The following ZNF713 variants were observed in gnomAD, a reference collection of about 807,000 sequenced individuals.
The protein encoded by ZNF713 is zinc finger protein 713.
Under a neutral mutation model 28.7 loss-of-function variants are expected in ZNF713, and 21 were observed. The ratio of observed to expected loss-of-function variants is 0.73; its 90% CI spans 0.52 to 1.05. The LOEUF is 1.05. Among genes scored for constraint, ZNF713 ranks in the 50% least tolerant of loss-of-function variants. ZNF713 has a pLI of 0.00. For synonymous variants in ZNF713, 167 were observed against 178.0 expected (o/e 0.94, Z 0.49); for missense variants, 458 against 532.4 (o/e 0.86, Z 1.37).
chr7:55,929,814 A>G (rs1362541141), intron 6 of ZNF713, among the ~76,000 whole-genome samples: 1 of 152,126 alleles, frequency 6.6e-6, no homozygotes, highest in African/African-American at 2.4e-5. Context: ...TAACCTTGAA[A>G]TGGGGGAGTT....
chr7:55,921,952 G>A (rs1785999315), intron 4 of ZNF713, among the ~76,000 whole-genome samples: 1 of 152,092 alleles, frequency 6.6e-6, no homozygotes, highest in Non-Finnish European at 1.5e-5. Context: ...TTGAAACAGA[G>A]TCTCGCTGTG....
chr7:55,935,999 T>A (rs1170453174), intron 6 of ZNF713, among the ~76,000 whole-genome samples: 5 of 150,402 alleles, frequency 3.3e-5, no homozygotes, highest in African/African-American at 1.2e-4. Context: ...GCATGATGGC[T>A]CACACTTGTA....
At chr7:55,903,405 C>T (rs1287081390) in intron 1 of ZNF713, among the ~76,000 whole-genome samples, 1 of 151,762 alleles carries the variant, frequency 6.6e-6, no homozygotes, top group Non-Finnish European at 1.5e-5. Context: ...TGTGGTGGCT[C>T]ACACCTGTAA....
intron 1 of ZNF713, among the ~76,000 whole-genome samples, chr7:55,891,956 A>T (rs1217356215): frequency 1.3e-5 from 2 of 152,210 alleles, no homozygotes; most frequent in Non-Finnish European, 2.9e-5. Flanking sequence ...CTATGAATCT[A>T]AAGTGGGAAG....
intron 6 of ZNF713, among the ~76,000 whole-genome samples, chr7:55,932,681 G>A (rs372101844): frequency 2.0e-5 from 3 of 147,336 alleles, no homozygotes; most frequent in Non-Finnish European, 4.5e-5. Context: ...TCAGGAGATC[G>A]AGACCATCCT....
At position 55,939,051 on chromosome 7, in the gene ZNF713, A is replaced by T; in HGVS notation, c.377A>T (p.His126Leu). 1 of 1,612,816 alleles carries T rather than the reference A, an allele frequency of 6.2e-7. No homozygotes were observed. The highest frequency in any genetic ancestry group is 8.5e-7 in the Non-Finnish European group (1 of 1,179,402). ...SQNISDENQT[H>L]EMIMERLAGD... ...AATATTTCTGATGAAAATCAAACCC[A>T]TGAGATGATAATGGAGAGACTCGCA... Residue 126 changes from histidine (H) to leucine (L), a missense_variant, in exon 7 of 7, where the codon CAT becomes CTT. By Grantham distance (99) the His-to-Leu change is moderately conservative. Transcript: ENST00000429591.
At chr7:55,913,059 T>A (rs976663176) in intron 4 of ZNF713, among the ~76,000 whole-genome samples, 1 of 152,208 alleles carries the variant, frequency 6.6e-6, no homozygotes, top group African/African-American at 2.4e-5. Flanking sequence ...ACACAGTGAC[T>A]GATGCCGAGG....
intron 4 of ZNF713, chr7:55,918,286 T>C (rs1454025246): frequency 7.8e-6 from 2 of 255,224 alleles, no homozygotes; most frequent in Non-Finnish European, 1.6e-5. Flanking sequence ...CCAGTACCAA[T>C]TTGCCAGCCT....
At chr7:55,932,367 A>G (rs532641569) in intron 6 of ZNF713, among the ~76,000 whole-genome samples, 2 of 92,208 alleles carry the variant, frequency 2.2e-5, no homozygotes, top group Admixed American at 2.0e-4. Context: ...CGTCTCTACC[A>G]AAAAAAAAAA....
In ZNF713 at chr7:55,939,444, C is replaced by T. The variant is rs200233081; in HGVS notation, c.770C>T (p.Ala257Val). The T allele has an allele frequency of 6.2e-7, 1 of 1,614,036 alleles. No homozygotes were observed. Among genetic ancestry groups the T allele is most frequent in the East Asian group, 2.2e-5 (1 of 44,886 alleles). ...CTTCTTACTGATCATATTCATACTGCAGAGAAACCCAGTGAGTGTGGGAAG... is the reference window on the plus strand; with the variant it reads ...CTTCTTACTGATCATATTCATACTGTAGAGAAACCCAGTGAGTGTGGGAAG... ...HILLTDHIHT[A>V]EKPSECGKAF... The change falls in exon 7 of 7, where the codon GCA becomes GTA. Residue 257 changes from alanine (A) to valine (V), a missense_variant. Physicochemically the swap from Ala to Val is moderately conservative, Grantham distance 64. Transcript: ENST00000429591.
Position 55,939,953 on chromosome 7 carries a change from G to A in ZNF713, c.1279G>A (p.Glu427Lys). The change falls in exon 7 of 7, where the codon GAA becomes AAA. Residue 427 changes from glutamate to lysine, a missense_variant. Glu to Lys is a moderately conservative substitution (Grantham distance 56). Coordinates refer to ENST00000429591, the MANE Select transcript of ZNF713 (RefSeq NM_182633.3). ...AATCCATACTCGGGAGAAATTATGT[G>A]AATATAAATGTGAGCAAACTGTTCG... ...RKIHTREKLC[E>K]YKCEQTVRHS... The A allele has an allele frequency of 1.2e-6, 2 of 1,610,472 alleles. No homozygotes were observed. Among genetic ancestry groups the A allele is most frequent in the Non-Finnish European group, 1.7e-6 (2 of 1,177,754 alleles).
chr7:55,892,006 G>A (rs2116159359), intron 1 of ZNF713, among the ~76,000 whole-genome samples: 1 of 152,278 alleles, frequency 6.6e-6, no homozygotes, highest in Admixed American at 6.5e-5. Flanking sequence ...GTGGCTGGGT[G>A]CAATGGCTTA....
intron 1 of ZNF713, among the ~76,000 whole-genome samples, chr7:55,902,493 A>G (rs1785596485): frequency 6.6e-6 from 1 of 152,220 alleles, no homozygotes; most frequent in South Asian, 2.1e-4. Flanking sequence ...TGTCATCTTA[A>G]CTATTGTAAA....
Position 55,940,010 on chromosome 7 carries a change from A to G in ZNF713, c.*4A>G. 1.3e-6 allele frequency: 2 copies of G among 1,549,342 alleles called. No homozygotes were observed. The highest frequency in any genetic ancestry group is 1.4e-5 in the African/African-American group (1 of 72,726). On this transcript the variant is annotated 3_prime_UTR_variant, in exon 7 of 7. Coordinates refer to ENST00000429591, the MANE Select transcript of ZNF713 (RefSeq NM_182633.3). ...TCCTTCATTTAGCAGCACATAACTT[A>G]TGGTGGGGGAAATCAGATAAATATA...
At chr7:55,919,630 C>T (rs968548539) in intron 4 of ZNF713, among the ~76,000 whole-genome samples, 2 of 151,012 alleles carry the variant, frequency 1.3e-5, no homozygotes, top group Middle Eastern at 3.2e-3. Context: ...CCCAGCCTCC[C>T]GAGTAGCTGG....
intron 6 of ZNF713, among the ~76,000 whole-genome samples, chr7:55,928,621 C>T (rs1786147241): frequency 6.6e-6 from 1 of 152,050 alleles, no homozygotes; most frequent in African/African-American, 2.4e-5. Context: ...AAGGCACAAA[C>T]AACTACCAGT....
At chr7:55,918,074 CGGCAA>C (rs1562742962) in intron 4 of ZNF713, 2 of 456,254 alleles carry the variant, frequency 4.4e-6, no homozygotes, top group Non-Finnish European at 8.8e-6. Flanking sequence ...CATTGGATCT[CGGCAA>C]GGCTGTGACT....
chr7:55,903,913 A>G (rs1785626482), intron 1 of ZNF713, among the ~76,000 whole-genome samples: 1 of 152,078 alleles, frequency 6.6e-6, no homozygotes, highest in Non-Finnish European at 1.5e-5. Flanking sequence ...ATGGCTTTCT[A>G]CTCCAACCTA....
chr7:55,894,407 A>G (rs531413107), intron 1 of ZNF713, among the ~76,000 whole-genome samples: 4 of 152,212 alleles, frequency 2.6e-5, no homozygotes, highest in African/African-American at 9.6e-5. Context: ...TAGTGGAAAA[A>G]TGGACAGATG....
Sources: gnomAD v4.1 joint callset for allele counts (sites outside exome capture counted in the v4.1 genomes callset) on GRCh38, gnomAD v4.1.1 for gene constraint, MANE v1.5 for transcripts, NCBI Gene and HGNC (gene_info 2026-07-23, HGNC 2026-07-21) for gene names.